ZNF365: variants seen among roughly 807,000 people sequenced by gnomAD.
ZNF365 encodes the protein zinc finger protein 365.
In ZNF365, 22 loss-of-function variants were observed where a neutral mutation model predicts 35.0. The observed-to-expected ratio is 0.63, with a 90% CI of 0.45 to 0.90. The LOEUF (loss-of-function observed/expected upper bound fraction) is 0.90. Ranked by LOEUF, ZNF365 falls within the 40% of genes least tolerant of loss-of-function variation. The pLI is 0.00. For missense variants in ZNF365, 448 were observed against 500.3 expected (o/e 0.90, Z 1.00); for synonymous variants, 188 against 196.2 (o/e 0.96, Z 0.35).
chr10:62,467,807 G>A (rs1840968743), intron 4 of ZNF365, among the ~76,000 whole-genome samples: 1 of 152,130 alleles, frequency 6.6e-6, no homozygotes. Flanking sequence ...AATAAGGAAA[G>A]TTCCTGAATG....
chr10:62,455,432 G>T (rs1406786366), intron 3 of ZNF365, among the ~76,000 whole-genome samples: 1 of 152,012 alleles, frequency 6.6e-6, no homozygotes. Context: ...TTTTTCTGGT[G>T]ATAAAGATAA....
Position 62,400,599 on chromosome 10 carries a change from G to T in ZNF365, c.*810G>T. Reference sequence around the variant, plus strand: ...TTTGATTAGCACCCAGCATGGGCTGGGTGGCTAGGTGGTTGGAATGACAGT... The same window carrying T: ...TTTGATTAGCACCCAGCATGGGCTGTGTGGCTAGGTGGTTGGAATGACAGT... On this transcript the variant is annotated 3_prime_UTR_variant, in exon 5 of 5. Transcript: ENST00000395254. The T allele has an allele frequency of 1.0e-6, 1 of 985,968 alleles. No individual in the cohort carries two copies. Among genetic ancestry groups the T allele is most frequent in the Non-Finnish European group, 1.2e-6 (1 of 829,960 alleles). The allele number at this position is 985,968 out of a possible 1,614,324, so 61.1% of individuals were successfully genotyped here.
At chr10:62,459,471 A>G (rs573639105) in intron 3 of ZNF365, among the ~76,000 whole-genome samples, 2 of 152,352 alleles carry the variant, frequency 1.3e-5, no homozygotes, top group East Asian at 3.9e-4. Context: ...CCAGACTAAA[A>G]TATACCAATT....
chr10:62,445,101 G>A (rs1460275458), intron 3 of ZNF365, among the ~76,000 whole-genome samples: 2 of 151,368 alleles, frequency 1.3e-5, no homozygotes, highest in East Asian at 3.9e-4. Context: ...CAAAGGACAT[G>A]AACTCATCAT....
chr10:62,409,481 G>A (rs1463546461), intron 3 of ZNF365, among the ~76,000 whole-genome samples: 1 of 152,128 alleles, frequency 6.6e-6, no homozygotes, highest in East Asian at 1.9e-4. Flanking sequence ...GACCACAGCT[G>A]CTTCAAGTAC....
At position 62,400,636 on chromosome 10, in the gene ZNF365, T is replaced by G. The variant is rs1006480191; in HGVS notation, c.*847T>G. On this transcript the variant is annotated 3_prime_UTR_variant, in exon 5 of 5. Transcript: ENST00000395254. ...GTTGGAATGACAGTGGACTGCACGC[T>G]TGGTGCATCGTGCATCGTGACCATC... The G allele has an allele frequency of 2.2e-5, 22 of 985,598 alleles. No individual in the cohort carries two copies. Among genetic ancestry groups the G allele is most frequent in the Non-Finnish European group, 2.7e-5 (22 of 829,966 alleles). The allele number at this position is 985,598 out of a possible 1,614,324, so 61.1% of individuals were successfully genotyped here.
chr10:62,374,973 C>T (rs547577199), intron 1 of ZNF365, among the ~76,000 whole-genome samples: 3 of 152,292 alleles, frequency 2.0e-5, no homozygotes, highest in African/African-American at 7.2e-5. Flanking sequence ...GGAAGAGGTT[C>T]CCCTCTCTGG....
rs59592646 is a variant in ZNF365 at position 62,411,120 on chromosome 10, G to A, written c.924+22544G>A. Reference sequence around the variant, plus strand: ...ATGCCCTTTGCCCACTTTTTAGTGGGATTGTTTGTTTTTTATTATTGTAAA... The same window carrying A: ...ATGCCCTTTGCCCACTTTTTAGTGGAATTGTTTGTTTTTTATTATTGTAAA... On this transcript the variant is annotated intron_variant, in intron 3 of 4. Transcript: ENST00000395255. 3.6e-3 allele frequency among the ~76,000 whole-genome samples: 551 copies of A among 152,230 alleles called. 4 individuals are homozygous for A. The highest frequency in any genetic ancestry group is 0.011 in the African/African-American group (467 of 41,530).
intron 3 of ZNF365, among the ~76,000 whole-genome samples, chr10:62,412,233 A>G (rs1166462269): frequency 2.0e-5 from 3 of 152,094 alleles, no homozygotes; most frequent in Admixed American, 2.0e-4. Context: ...ATAAAATTCA[A>G]CATTGCTTCA....
Position 62,400,056 on chromosome 10 carries a change from TA to T in ZNF365, c.*269del. 8.4e-7 allele frequency: 1 copy of T among 1,187,008 alleles called. No homozygotes were observed. The highest frequency in any genetic ancestry group is 1.0e-6 in the Non-Finnish European group (1 of 956,282). 73.5% of individuals were successfully genotyped at this position (1,187,008 alleles called of 1,614,324 possible). ...AATCTTAAAGCTCTAACTTCTAAAG[TA>T]ACTGGCCCAGTCTCCAGTAATCTTG... On this transcript the variant is annotated 3_prime_UTR_variant, in exon 5 of 5. Transcript: ENST00000395254.
At chr10:62,412,347 G>T (rs925171943) in intron 3 of ZNF365, among the ~76,000 whole-genome samples, 33 of 152,166 alleles carry the variant, frequency 2.2e-4, no homozygotes, top group Non-Finnish European at 4.1e-4. Flanking sequence ...ATGGGCAAAA[G>T]CTGGAAGAAT....
intron 3 of ZNF365, among the ~76,000 whole-genome samples, chr10:62,408,490 G>A (rs114223154): frequency 0.012 from 1,874 of 152,178 alleles, 51 homozygotes; most frequent in African/African-American, 0.043. Context: ...TTATTTAATC[G>A]ATTAGAGCCT....
At chr10:62,405,089 A>G (rs774178174), downstream of ZNF365, among the ~76,000 whole-genome samples, 1 of 152,180 alleles carries the variant, frequency 6.6e-6, no homozygotes, top group Non-Finnish European at 1.5e-5. Context: ...CACCTCCCTG[A>G]ATGTGATTTC....
At chr10:62,378,685 T>C (rs1241827798) in intron 2 of ZNF365, among the ~76,000 whole-genome samples, 2 of 152,226 alleles carry the variant, frequency 1.3e-5, no homozygotes, top group African/African-American at 4.8e-5. Context: ...CTTCCAGACC[T>C]TTCCTGTGTG....
rs556382300 is a variant in ZNF365, at chr10:62,400,711, G to A, written c.*922G>A. On this transcript the variant is annotated 3_prime_UTR_variant, in exon 5 of 5. Transcript: ENST00000395254. ...AGCCCTTTCCTAAGACCTGCTTCCCGGCCAGTGTCAGTGGCCCTCTCTCTC... is the reference window on the plus strand; with the variant it reads ...AGCCCTTTCCTAAGACCTGCTTCCCAGCCAGTGTCAGTGGCCCTCTCTCTC... The A allele has an allele frequency of 8.1e-6, 8 of 985,492 alleles. No individual in the cohort carries two copies. The highest frequency in any genetic ancestry group is 4.7e-5 in the South Asian group (1 of 21,284). The allele number at this position is 985,492 out of a possible 1,614,324, so 61.0% of individuals were successfully genotyped here.
At chr10:62,390,540 T>C (rs2132420166) in intron 3 of ZNF365, among the ~76,000 whole-genome samples, 1 of 152,368 alleles carries the variant, frequency 6.6e-6, no homozygotes, top group African/African-American at 2.4e-5. Context: ...TTATTTCTCA[T>C]CATGCCAAAT....
chr10:62,383,913 T>C (rs1229962694), intron 2 of ZNF365, among the ~76,000 whole-genome samples: 1 of 152,190 alleles, frequency 6.6e-6, no homozygotes, highest in African/African-American at 2.4e-5. Context: ...TCATTGCTCC[T>C]CTTCTACTGT....
At chr10:62,465,140 C>T (rs1840917630) in intron 4 of ZNF365, among the ~76,000 whole-genome samples, 1 of 152,218 alleles carries the variant, frequency 6.6e-6, no homozygotes, top group Admixed American at 6.5e-5. Context: ...CTGGCCTTGT[C>T]CTGCTCCCGG....
chr10:62,412,023 T>A (rs572953721), intron 3 of ZNF365, among the ~76,000 whole-genome samples: 48 of 152,196 alleles, frequency 3.2e-4, no homozygotes, highest in Middle Eastern at 3.4e-3. Flanking sequence ...TGAACATTAA[T>A]GCAAAAATCC....
Sources: allele counts gnomAD v4.1 joint callset (sites outside exome capture counted in the v4.1 genomes callset), GRCh38; gene constraint gnomAD v4.1.1; transcripts MANE v1.5; gene names NCBI Gene and HGNC (gene_info 2026-07-23, HGNC 2026-07-21).